Variants in MYRFL observed in about 807,000 individuals in gnomAD.
The protein encoded by MYRFL is myelin regulatory factor-like protein.
A neutral mutation model predicts 109.4 loss-of-function variants in MYRFL; 88 were observed. The ratio of observed to expected loss-of-function variants is 0.80; its 90% CI spans 0.68 to 0.96. MYRFL has a LOEUF of 0.96. Among genes scored for constraint, MYRFL ranks in the 40% least tolerant of loss-of-function variants. MYRFL has a pLI of 0.00. For missense variants in MYRFL, 957 were observed against 954.9 expected, an observed-to-expected ratio of 1.00 and a Z score of -0.03; for synonymous variants, 324 against 320.9, an observed-to-expected ratio of 1.01 and a Z score of -0.10.
Position 69,952,858 on chromosome 12 carries a change from C to T in MYRFL, c.2347C>T (p.Gln783Ter), listed in dbSNP as rs111545047. 1.3e-6 allele frequency: 2 copies of T among 1,535,582 alleles called. No individual in the cohort carries two copies. Among genetic ancestry groups the T allele is most frequent in the Non-Finnish European group, 8.7e-7 (1 of 1,146,542 alleles). ...IMEIQQIIDH[Q>*]YCIQSLQCGS... The stretch of plus-strand genomic sequence containing the variant: ...GGAAATCCAGCAAATAATAGATCAT[C>T]AGTATTGCATTCAAAGCCTCCAGTG... The change falls in exon 21 of 25, where the codon CAG becomes TAG. Residue 783 changes from glutamine to a stop codon, truncating the protein, a stop_gained. Transcript: ENST00000552032. LOFTEE classifies it high-confidence loss of function.
At chr12:69,953,004 C>T (rs1418756664) in intron 21 of MYRFL, 118 bp downstream of exon 21, 1 of 633,410 alleles carries the variant, frequency 1.6e-6, no homozygotes, top group East Asian at 2.9e-5. Flanking sequence ...GCTTACATTG[C>T]TCCTTAAGTG....
At chr12:69,902,259 A>G (rs1954220251) in intron 10 of MYRFL, among the ~76,000 whole-genome samples, 1 of 152,212 alleles carries the variant, frequency 6.6e-6, no homozygotes, top group Non-Finnish European at 1.5e-5. Flanking sequence ...CAGGGTTCAG[A>G]CACTTGGGAT....
chr12:69,911,683 G>C (rs1209470463), intron 13 of MYRFL, among the ~76,000 whole-genome samples: 2 of 152,172 alleles, frequency 1.3e-5, no homozygotes, highest in Non-Finnish European at 2.9e-5. Context: ...TTGATTCTAT[G>C]AAATCCTGCA....
At chr12:69,870,360 C>T in intron 2 of MYRFL, among the ~76,000 whole-genome samples, 1 of 151,392 alleles carries the variant, frequency 6.6e-6, no homozygotes, top group Non-Finnish European at 1.5e-5. Flanking sequence ...TTTTACAACT[C>T]TTTCCTGCTG....
intron 21 of MYRFL, 123 bp downstream of exon 21, chr12:69,953,009 T>C (rs758760684): frequency 3.2e-6 from 2 of 621,328 alleles, no homozygotes; most frequent in Non-Finnish European, 5.4e-6. Flanking sequence ...CATTGCTCCT[T>C]AAGTGAAAAC....
chr12:69,912,544 G>A (rs1366807592), intron 13 of MYRFL, among the ~76,000 whole-genome samples: 1 of 152,182 alleles, frequency 6.6e-6, no homozygotes, highest in Non-Finnish European at 1.5e-5. Context: ...CATATAAGCA[G>A]AATCATAGAG....
chr12:69,841,298 G>A (rs1883229926), intron 1 of MYRFL, among the ~76,000 whole-genome samples: 1 of 152,188 alleles, frequency 6.6e-6, no homozygotes, highest in Admixed American at 6.5e-5. Context: ...TCAAGACAGG[G>A]ACTGGGGAAT....
intron 1 of MYRFL, among the ~76,000 whole-genome samples, chr12:69,854,232 G>A (rs1025681559): frequency 6.6e-6 from 1 of 152,056 alleles, no homozygotes; most frequent in East Asian, 1.9e-4. Context: ...GCAATCTCAG[G>A]CACTCGGCAG....
chr12:69,861,565 C>A (rs569650398), intron 2 of MYRFL, among the ~76,000 whole-genome samples: 1 of 152,108 alleles, frequency 6.6e-6, no homozygotes. Context: ...AGTGTCTGTT[C>A]GTGTCCTTTG....
At chr12:69,951,721 C>A (rs1222221010) in intron 19 of MYRFL, among the ~76,000 whole-genome samples, 1 of 152,218 alleles carries the variant, frequency 6.6e-6, no homozygotes, top group African/African-American at 2.4e-5. Flanking sequence ...AGCCACCATG[C>A]CTGGCTCCTA....
chr12:69,882,391 C>T (rs933101136), intron 5 of MYRFL, among the ~76,000 whole-genome samples: 2 of 152,164 alleles, frequency 1.3e-5, no homozygotes, highest in Non-Finnish European at 2.9e-5. Flanking sequence ...GTATTTTTAG[C>T]GAAAGTTTTC....
chr12:69,849,707 A>C (rs1426970030), intron 1 of MYRFL, among the ~76,000 whole-genome samples: 2 of 152,114 alleles, frequency 1.3e-5, no homozygotes, highest in Non-Finnish European at 2.9e-5. Flanking sequence ...CTTTCTCTTT[A>C]TTTTTGAGTT....
chr12:69,891,991 G>T (rs373615831), intron 7 of MYRFL, among the ~76,000 whole-genome samples: 2 of 152,020 alleles, frequency 1.3e-5, no homozygotes, highest in Admixed American at 6.6e-5. Context: ...TGTCGATTTC[G>T]TAAGCCTGGG....
intron 10 of MYRFL, 49 bp downstream of exon 10, chr12:69,897,295 T>C (rs915459406): frequency 2.2e-6 from 3 of 1,342,670 alleles, no homozygotes; most frequent in African/African-American, 2.9e-5. Context: ...TTTCCTCCTA[T>C]GTAGGCAGAA....
chr12:69,903,783 T>C lies in MYRFL; in HGVS notation c.1322T>C (p.Met441Thr), dbSNP rs528486667. Residue 441 changes from methionine (M) to threonine (T), a missense_variant, in exon 11 of 25, where the codon ATG becomes ACG. Transcript: ENST00000552032. ...PDEALVVCGN[M>T]KVMGTIMHPS... ...GAAGCCCTGGTTGTCTGTGGCAACA[T>C]GAAAGTGATGGGGACCATCATGCAT... 3 of 1,535,596 alleles carry C rather than the reference T, an allele frequency of 2.0e-6. No individual in the cohort carries two copies. The highest frequency in any genetic ancestry group is 2.6e-6 in the Non-Finnish European group (3 of 1,146,618).
At position 69,849,981 on chromosome 12, in the gene MYRFL, A is replaced by G. The variant is rs938876408; in HGVS notation, c.47-5299A>G. ...ACCCAAATCTCATCTTGTAGCTCCC[A>G]TAATTCCCACGTGTTGTGGGAGGGA... is the stretch of plus-strand genomic sequence containing the variant. On this transcript the variant is annotated intron_variant, in intron 1 of 24. Coordinates refer to ENST00000552032, the MANE Select transcript of MYRFL (RefSeq NM_182530.3). 9.0e-4 allele frequency among the ~76,000 whole-genome samples: 137 copies of G among 152,188 alleles called. 3 individuals carry two copies. The highest frequency in any genetic ancestry group is 4.4e-5 in the Non-Finnish European group (3 of 68,034).
intron 5 of MYRFL, among the ~76,000 whole-genome samples, chr12:69,885,132 G>A (rs1886367786): frequency 6.6e-6 from 1 of 152,158 alleles, no homozygotes; most frequent in Admixed American, 6.5e-5. Context: ...AAATATTTTA[G>A]ACCACTTAGC....
At chr12:69,829,335 G>T (rs1359086328) in intron 1 of MYRFL, among the ~76,000 whole-genome samples, 2 of 152,114 alleles carry the variant, frequency 1.3e-5, no homozygotes, top group Non-Finnish European at 2.9e-5. Flanking sequence ...AACATCTGCT[G>T]TCCATAAGCT....
chr12:69,891,657 C>CT (rs67635425), intron 7 of MYRFL, among the ~76,000 whole-genome samples: 1 of 101,702 alleles, frequency 9.8e-6, no homozygotes, highest in Non-Finnish European at 2.0e-5. Context: ...TTCTTTCTTT[C>CT]TTTCTTTCTT....
Sources: allele counts gnomAD v4.1 joint callset (sites outside exome capture counted in the v4.1 genomes callset), GRCh38; gene constraint gnomAD v4.1.1; transcripts MANE v1.5; gene names NCBI Gene and HGNC (gene_info 2026-07-23, HGNC 2026-07-21).